The following DOCK1 variants were observed in gnomAD, a reference collection of about 807,000 sequenced individuals.
DOCK1 encodes dedicator of cytokinesis 1.
Under a neutral mutation model 262.7 loss-of-function variants are expected in DOCK1, and 138 were observed. That is an observed-to-expected ratio of 0.53 (90% CI 0.46 to 0.61). The LOEUF (loss-of-function observed/expected upper bound fraction) is 0.61, where lower values mean the gene tolerates loss of function less well. Among genes scored for constraint, DOCK1 ranks in the 20% least tolerant of loss-of-function variants. The pLI is 0.00. For missense variants in DOCK1, 1,908 were observed against 2,370.7 expected (o/e 0.80, Z 4.05); for synonymous variants, 866 against 867.4 (o/e 1.00, Z 0.03).
At chr10:127,366,429 C>A (rs112152430) in intron 33 of DOCK1, among the ~76,000 whole-genome samples, 197 of 152,238 alleles carry the variant, frequency 1.3e-3, no homozygotes, top group African/African-American at 4.6e-3. Flanking sequence ...CTGGACTGGC[C>A]TTTGCTTGCT....
At chr10:127,112,561 C>T (rs761336727) in intron 25 of DOCK1, among the ~76,000 whole-genome samples, 3 of 152,132 alleles carry the variant, frequency 2.0e-5, no homozygotes, top group Non-Finnish European at 4.4e-5. Context: ...TATGGAATTA[C>T]CAGGTCATGT....
At chr10:127,251,503 G>A (rs964647276) in intron 28 of DOCK1, among the ~76,000 whole-genome samples, 2 of 150,270 alleles carry the variant, frequency 1.3e-5, no homozygotes, top group African/African-American at 4.9e-5. Flanking sequence ...TTAGAATTAG[G>A]TATAACTCCT....
intron 23 of DOCK1, among the ~76,000 whole-genome samples, chr10:127,075,731 G>A (rs550687323): frequency 1.3e-5 from 2 of 152,096 alleles, no homozygotes; most frequent in African/African-American, 4.8e-5. Flanking sequence ...CATGAGAACG[G>A]CAAGGGGGAG....
chr10:127,255,955 T>C (rs1021078910), intron 28 of DOCK1, among the ~76,000 whole-genome samples: 4 of 152,170 alleles, frequency 2.6e-5, no homozygotes, highest in African/African-American at 9.7e-5. Context: ...AAGAAGCCAT[T>C]TGTTGTGTCG....
chr10:127,402,620 G>GT (rs1235629354), intron 38 of DOCK1: 1 of 509,956 alleles, frequency 2.0e-6, no homozygotes, highest in African/African-American at 1.9e-5. Context: ...CATTTTTTAG[G>GT]TGGACAGCTT....
intron 29 of DOCK1, among the ~76,000 whole-genome samples, chr10:127,318,128 G>A (rs2062362963): frequency 6.6e-6 from 1 of 152,202 alleles, no homozygotes; most frequent in South Asian, 2.1e-4. Flanking sequence ...GATATTCAAA[G>A]TGAAAATGAT....
intron 23 of DOCK1, 83 bp from the exon 24 acceptor site, chr10:127,106,148 G>C (rs1273002524): frequency 1.0e-5 from 14 of 1,342,598 alleles, no homozygotes; most frequent in Non-Finnish European, 1.4e-5. Context: ...GTATTTCTGC[G>C]GTTCTTCTCA....
At position 127,378,891 on chromosome 10, in the gene DOCK1, A is replaced by C. The variant is rs1451713577; in HGVS notation, c.3676-1191A>C. 2.0e-5 allele frequency among the ~76,000 whole-genome samples: 3 copies of C among 152,230 alleles called. No individual in the cohort carries two copies. In the South Asian group the frequency reaches 6.2e-4, roughly 31 times the overall value. On this transcript the variant is annotated intron_variant, in intron 35 of 51. Coordinates refer to ENST00000623213, the MANE Select transcript of DOCK1 (RefSeq NM_001290223.2). Reference sequence around the variant, plus strand: ...AAGTGTCAGAGGCAACAGAACTTGAAAATCTTGGTGCATTTTTCTAAATGT... The same window carrying C: ...AAGTGTCAGAGGCAACAGAACTTGACAATCTTGGTGCATTTTTCTAAATGT...
intron 1 of DOCK1, among the ~76,000 whole-genome samples, chr10:126,940,376 T>G (rs2034892470): frequency 1.3e-5 from 2 of 152,210 alleles, no homozygotes; most frequent in Non-Finnish European, 2.9e-5. Context: ...GACAGGAGTC[T>G]GCAGCACTTC....
At chr10:127,368,444 A>C (rs552436828) in intron 33 of DOCK1, among the ~76,000 whole-genome samples, 2 of 151,162 alleles carry the variant, frequency 1.3e-5, no homozygotes, top group Non-Finnish European at 1.5e-5. Context: ...CAGCTGGCCA[A>C]CTCCTCGAGA....
intron 1 of DOCK1, among the ~76,000 whole-genome samples, chr10:126,917,664 T>G (rs1366263961): frequency 2.0e-5 from 3 of 152,106 alleles, no homozygotes; most frequent in African/African-American, 7.2e-5. Flanking sequence ...GACTTATCCC[T>G]TTGTTCCACC....
At chr10:127,231,609 C>T (rs1041001081) in intron 27 of DOCK1, among the ~76,000 whole-genome samples, 2 of 152,006 alleles carry the variant, frequency 1.3e-5, no homozygotes, top group Non-Finnish European at 2.9e-5. Flanking sequence ...GGAAGAGTGC[C>T]ATTTAGCTAG....
At chr10:127,072,273 C>T (rs1453547628) in intron 23 of DOCK1, among the ~76,000 whole-genome samples, 2 of 152,176 alleles carry the variant, frequency 1.3e-5, no homozygotes, top group South Asian at 2.1e-4. Context: ...TGTTCATTCT[C>T]CTGTGTGCCA....
At chr10:127,319,736 T>C (rs571777047) in intron 29 of DOCK1, among the ~76,000 whole-genome samples, 3 of 152,348 alleles carry the variant, frequency 2.0e-5, no homozygotes, top group African/African-American at 7.2e-5. Flanking sequence ...GGGCCACCCG[T>C]GCCCTGTCTG....
At chr10:127,187,119 A>G (rs770811155) in intron 27 of DOCK1, among the ~76,000 whole-genome samples, 1 of 152,244 alleles carries the variant, frequency 6.6e-6, no homozygotes, top group East Asian at 1.9e-4. Flanking sequence ...GCAGGACATC[A>G]TACAGTTTCC....
At chr10:126,940,112 T>A (rs955771729) in intron 1 of DOCK1, among the ~76,000 whole-genome samples, 1 of 152,230 alleles carries the variant, frequency 6.6e-6, no homozygotes, top group Non-Finnish European at 1.5e-5. Flanking sequence ...TGTTTTTGCC[T>A]CTAATCTGGT....
chr10:127,391,616 TA>T (rs11316088), intron 38 of DOCK1, among the ~76,000 whole-genome samples: 151,623 of 152,242 alleles, frequency 1, 75,504 homozygotes, highest in Middle Eastern at 1. Context: ...CCTTAGGGAA[TA>T]GCGAGCCTTC....
intron 27 of DOCK1, chr10:127,153,954 G>A (rs1036319833): frequency 6.4e-7 from 1 of 1,565,290 alleles, no homozygotes; most frequent in African/African-American, 1.4e-5. Context: ...AGCATTACAA[G>A]CGGTGGCTGG....
intron 22 of DOCK1, among the ~76,000 whole-genome samples, chr10:127,054,191 A>T (rs1192328602): frequency 6.6e-6 from 1 of 152,156 alleles, no homozygotes; most frequent in African/African-American, 2.4e-5. Context: ...AAGAATTCAA[A>T]ATCTAACCAT....
Sources: gnomAD v4.1 joint callset for allele counts (sites outside exome capture counted in the v4.1 genomes callset) on GRCh38, gnomAD v4.1.1 for gene constraint, MANE v1.5 for transcripts, NCBI Gene and HGNC (gene_info 2026-07-23, HGNC 2026-07-21) for gene names.